Variants in ANKRD30BL observed in about 807,000 individuals in gnomAD.
The protein encoded by ANKRD30BL is putative ankyrin repeat domain-containing protein 30B-like.
In ANKRD30BL, 20 loss-of-function variants were observed where a neutral mutation model predicts 18.4. That is an observed-to-expected ratio of 1.09 (90% CI 0.77 to 1.58). The LOEUF is 1.58. Ranked by LOEUF, ANKRD30BL falls within the 40% of genes most tolerant of loss-of-function variation. The pLI is 0.00. For missense variants in ANKRD30BL, 224 were observed against 268.6 expected (o/e 0.83, Z 1.16); for synonymous variants, 72 against 100.9 (o/e 0.71, Z 1.72).
chr2:132,247,815 C>A (rs1680544129), intron 1 of ANKRD30BL, among the ~76,000 whole-genome samples: 1 of 151,982 alleles, frequency 6.6e-6, no homozygotes, highest in Non-Finnish European at 1.5e-5. Flanking sequence ...GCAGATAGTA[C>A]AAAAAGACTG....
intron 4 of ANKRD30BL, chr2:132,153,518 C>T (rs1687818934): frequency 2.0e-6 from 1 of 488,444 alleles, no homozygotes; most frequent in African/African-American, 2.0e-5. Flanking sequence ...CTGAAACAAA[C>T]TATAAAATCT....
chr2:132,172,689 T>C (rs1688302378), intron 1 of ANKRD30BL, among the ~76,000 whole-genome samples: 1 of 151,880 alleles, frequency 6.6e-6, no homozygotes, highest in Non-Finnish European at 1.5e-5. Flanking sequence ...TTTGAGTTGT[T>C]GTTCCACTGT....
At chr2:132,172,653 A>G (rs1370990510) in intron 1 of ANKRD30BL, among the ~76,000 whole-genome samples, 1 of 151,218 alleles carries the variant, frequency 6.6e-6, no homozygotes, top group Non-Finnish European at 1.5e-5. Flanking sequence ...CATATCACAT[A>G]TGTGATTTGC....
At chr2:132,221,874 G>T (rs1215013955) in intron 1 of ANKRD30BL, among the ~76,000 whole-genome samples, 4 of 105,672 alleles carry the variant, frequency 3.8e-5, no homozygotes. Flanking sequence ...GGGAGGGGGA[G>T]TCAGCCCCCT....
chr2:132,213,854 C>A (rs1368461731), intron 1 of ANKRD30BL, among the ~76,000 whole-genome samples: 1 of 152,040 alleles, frequency 6.6e-6, no homozygotes, highest in African/African-American at 2.4e-5. Flanking sequence ...TTAGAAAATT[C>A]TTTCTGATGT....
intron 1 of ANKRD30BL, among the ~76,000 whole-genome samples, chr2:132,204,635 C>T (rs1435148445): frequency 6.6e-6 from 1 of 152,028 alleles, no homozygotes; most frequent in Non-Finnish European, 1.5e-5. Flanking sequence ...AAAACATTAG[C>T]AGCAACACAG....
chr2:132,198,320 C>G (rs13014930), intron 1 of ANKRD30BL, among the ~76,000 whole-genome samples: 46 of 10,562 alleles, frequency 4.4e-3, no homozygotes, highest in African/African-American at 9.1e-3. Flanking sequence ...TTCTTTCTTT[C>G]TTTCTTTTTT....
intron 1 of ANKRD30BL, among the ~76,000 whole-genome samples, chr2:132,232,316 CG>C (rs1558729616): frequency 6.6e-6 from 1 of 152,152 alleles, no homozygotes; most frequent in Non-Finnish European, 1.5e-5. Context: ...TCACCAGCAA[CG>C]GAACAAAGCT....
intron 1 of ANKRD30BL, among the ~76,000 whole-genome samples, chr2:132,238,223 G>C (rs1680214245): frequency 6.6e-6 from 1 of 151,964 alleles, no homozygotes; most frequent in Non-Finnish European, 1.5e-5. Flanking sequence ...TGATACAGCA[G>C]TTATGAAAGA....
At chr2:132,216,553 C>T (rs373949776) in intron 1 of ANKRD30BL, among the ~76,000 whole-genome samples, 10 of 152,042 alleles carry the variant, frequency 6.6e-5, no homozygotes, top group Admixed American at 6.6e-4. Flanking sequence ...CAGAAGCATT[C>T]TGAGAAACTT....
At chr2:132,246,149 G>T (rs1202137879) in intron 1 of ANKRD30BL, among the ~76,000 whole-genome samples, 1 of 151,702 alleles carries the variant, frequency 6.6e-6, no homozygotes, top group Non-Finnish European at 1.5e-5. Flanking sequence ...CTACACAGAA[G>T]CATTCTCCGA....
intron 1 of ANKRD30BL, among the ~76,000 whole-genome samples, chr2:132,183,606 G>A (rs574165594): frequency 6.6e-6 from 1 of 152,180 alleles, no homozygotes; most frequent in Non-Finnish European, 1.5e-5. Context: ...AAAATGGTAG[G>A]GTGGGGTGGA....
chr2:132,167,220 A>C (rs916199923), intron 1 of ANKRD30BL, among the ~76,000 whole-genome samples: 52 of 151,604 alleles, frequency 3.4e-4, no homozygotes, highest in Admixed American at 3.3e-4. Flanking sequence ...GCTAGAGAAG[A>C]ATGTGTATTC....
chr2:132,187,750 T>C (rs1199212727), intron 1 of ANKRD30BL, among the ~76,000 whole-genome samples: 1 of 151,874 alleles, frequency 6.6e-6, no homozygotes, highest in Admixed American at 6.6e-5. Flanking sequence ...TTCCCAGTTT[T>C]AGAATAGATT....
intron 1 of ANKRD30BL, among the ~76,000 whole-genome samples, chr2:132,195,788 CAAAA>C (rs1205804103): frequency 4.9e-4 from 24 of 48,658 alleles, no homozygotes; most frequent in East Asian, 1.6e-3. Flanking sequence ...GAGCCTCTGC[CAAAA>C]AAAAAAAAAA....
Position 132,209,726 on chromosome 2 carries a change from T to C in ANKRD30BL, n.441+47803A>G, listed in dbSNP as rs1397825835. ...ACAGAAGCGTTCTGAGAAAGTTCTT[T>C]GTGATGTGTGCATTCAACTCACATA... On this transcript the variant is annotated intron_variant and non_coding_transcript_variant, in intron 1 of 4. Coordinates refer to the ANKRD30BL transcript ENST00000470729. Among the ~76,000 whole-genome samples, 8 of 152,306 alleles carry C rather than the reference T, an allele frequency of 5.3e-5. No individual in the cohort carries two copies. In the East Asian group the frequency reaches 1.5e-3, roughly 29 times the overall value.
In ANKRD30BL at chr2:132,161,566, G is replaced by T; in HGVS notation, c.140C>A (p.Ser47Tyr). The change falls in exon 1 of 6, where the codon TCC becomes TAC. Residue 47 changes from serine to tyrosine, a missense_variant. Ser to Tyr is a moderately radical substitution (Grantham distance 144). Coordinates refer to ENST00000409867, the MANE Select transcript of ANKRD30BL (RefSeq NM_001358416.1). ...GDLRKIHKAA[S>Y]RGQAWKLERM... Reference sequence around the variant, plus strand: ...CTCCAGCTTCCAGGCTTGGCCCCGGGAGGCAGCTTTGTGGATCTTCCTGAG... The same window carrying T: ...CTCCAGCTTCCAGGCTTGGCCCCGGTAGGCAGCTTTGTGGATCTTCCTGAG... 1 of 1,456,852 alleles carries T rather than the reference G, an allele frequency of 6.9e-7. No individual in the cohort carries two copies. The highest frequency in any genetic ancestry group is 9.4e-7 in the Non-Finnish European group (1 of 1,063,460). 90.2% of individuals were successfully genotyped at this position (1,456,852 alleles called of 1,614,324 possible). A position where few individuals can be genotyped will look rare whatever the true frequency, so the allele number is the denominator to read the frequency against.
chr2:132,224,311 T>C (rs1008946299), intron 1 of ANKRD30BL, among the ~76,000 whole-genome samples: 19 of 152,116 alleles, frequency 1.2e-4, no homozygotes, highest in Non-Finnish European at 1.5e-5. Flanking sequence ...TATCTTTATA[T>C]AAAAATGAGA....
chr2:132,207,152 T>C (rs1408158704), intron 1 of ANKRD30BL, among the ~76,000 whole-genome samples: 1 of 152,096 alleles, frequency 6.6e-6, no homozygotes, highest in Non-Finnish European at 1.5e-5. Context: ...TATTTTCTTT[T>C]TGAAGACACA....
Sources: allele counts gnomAD v4.1 joint callset (sites outside exome capture counted in the v4.1 genomes callset), GRCh38; gene constraint gnomAD v4.1.1; transcripts MANE v1.5; gene names NCBI Gene and HGNC (gene_info 2026-07-23, HGNC 2026-07-21).